The following PDE7B variants were observed in gnomAD, a reference collection of about 807,000 sequenced individuals.
PDE7B encodes 3',5'-cyclic-AMP phosphodiesterase 7B.
Under a neutral mutation model 56.2 loss-of-function variants are expected in PDE7B, and 29 were observed. The ratio of observed to expected loss-of-function variants is 0.52; its 90% CI spans 0.38 to 0.70. The LOEUF is 0.70. Ranked by LOEUF, PDE7B falls within the 30% of genes least tolerant of loss-of-function variation. The pLI is 0.00. For synonymous variants in PDE7B, 197 were observed against 196.9 expected (o/e 1.00, Z 0.00); for missense variants, 490 against 565.0 (o/e 0.87, Z 1.35).
chr6:136,143,496 C>A (rs951709006), intron 3 of PDE7B, among the ~76,000 whole-genome samples: 3 of 151,246 alleles, frequency 2.0e-5, no homozygotes, highest in Admixed American at 6.6e-5. Flanking sequence ...TTTTAAAAAT[C>A]AAAATTAAAA....
intron 8 of PDE7B, among the ~76,000 whole-genome samples, chr6:136,158,720 A>C (rs910627022): frequency 3.9e-5 from 6 of 152,216 alleles, no homozygotes; most frequent in Admixed American, 1.3e-4. Flanking sequence ...ATATGAAGGC[A>C]CTGAAGGCAC....
Position 136,163,469 on chromosome 6 carries a change from C to T in PDE7B, c.711+7711C>T, listed in dbSNP as rs142742044. Among the ~76,000 whole-genome samples, 34 of 152,326 alleles carry T rather than the reference C, an allele frequency of 2.2e-4. 1 individual carries two copies. The highest frequency in any genetic ancestry group is 7.0e-4 in the African/African-American group (29 of 41,592). Reference sequence around the variant, plus strand: ...GCCCTGGCCCAGGAAACCATTTTTACCTCCCTAGGCCTCCAGGCCTGTGAT... The same window carrying T: ...GCCCTGGCCCAGGAAACCATTTTTATCTCCCTAGGCCTCCAGGCCTGTGAT... On this transcript the variant is annotated intron_variant, in intron 8 of 12. Transcript: ENST00000308191.
chr6:136,190,128 C>T (rs932888364), intron 12 of PDE7B, among the ~76,000 whole-genome samples: 1 of 152,104 alleles, frequency 6.6e-6, no homozygotes, highest in African/African-American at 2.4e-5. Flanking sequence ...TATCTCATCT[C>T]TTTGAAGGTG....
intron 12 of PDE7B, among the ~76,000 whole-genome samples, chr6:136,190,446 A>G (rs995562940): frequency 2.6e-5 from 4 of 152,184 alleles, no homozygotes; most frequent in African/African-American, 9.7e-5. Context: ...TGTTTGTCCA[A>G]CAGAAAGATA....
chr6:136,176,892 T>C (rs555291739), intron 9 of PDE7B, among the ~76,000 whole-genome samples: 12 of 152,214 alleles, frequency 7.9e-5, no homozygotes, highest in Non-Finnish European at 1.8e-4. Flanking sequence ...ATTGTGGTTT[T>C]AATTTGCTTT....
chr6:136,154,944 G>C (rs899433700), intron 7 of PDE7B, among the ~76,000 whole-genome samples: 4 of 152,166 alleles, frequency 2.6e-5, no homozygotes, highest in African/African-American at 9.7e-5. Context: ...GGCAAAGCTG[G>C]GTGGGTGCCT....
chr6:135,953,734 A>G (rs1266072264), intron 2 of PDE7B, among the ~76,000 whole-genome samples: 2 of 152,172 alleles, frequency 1.3e-5, no homozygotes, highest in African/African-American at 4.8e-5. Context: ...TTTCAAGTGC[A>G]TGTTGGCAAT....
At chr6:135,954,400 T>C (rs1221339238) in intron 2 of PDE7B, among the ~76,000 whole-genome samples, 1 of 152,184 alleles carries the variant, frequency 6.6e-6, no homozygotes, top group Non-Finnish European at 1.5e-5. Flanking sequence ...TTTAAAACTC[T>C]CTGCTAACAT....
At chr6:136,032,652 C>T (rs1776261508) in intron 2 of PDE7B, among the ~76,000 whole-genome samples, 1 of 152,166 alleles carries the variant, frequency 6.6e-6, no homozygotes, top group Admixed American at 6.5e-5. Flanking sequence ...GAAGTGAGAC[C>T]TACTTCAAGG....
intron 2 of PDE7B, among the ~76,000 whole-genome samples, chr6:136,018,730 G>C (rs1223856290): frequency 6.6e-6 from 1 of 151,762 alleles, no homozygotes; most frequent in Non-Finnish European, 1.5e-5. Context: ...ATAAATACGT[G>C]TACAATTTGC....
chr6:136,096,954 C>T (rs1486290359), intron 2 of PDE7B, among the ~76,000 whole-genome samples: 1 of 152,098 alleles, frequency 6.6e-6, no homozygotes, highest in Non-Finnish European at 1.5e-5. Flanking sequence ...TTCAGTTGTG[C>T]TTCTTCCACA....
chr6:135,935,190 T>TTTTATATATATATATTTTTA (rs1436649469), intron 1 of PDE7B, among the ~76,000 whole-genome samples: 6 of 36,190 alleles, frequency 1.7e-4, no homozygotes, highest in Non-Finnish European at 2.8e-4. Flanking sequence ...ATATATTTAT[T>TTTTATATATATATATTTTTA]TATATATATA....
chr6:136,177,312 A>G (rs992754874), intron 9 of PDE7B, among the ~76,000 whole-genome samples: 2 of 152,110 alleles, frequency 1.3e-5, no homozygotes, highest in African/African-American at 4.8e-5. Context: ...TATAAATTTA[A>G]AAATAAAATT....
At chr6:135,911,498 A>C (rs1044455528) in intron 1 of PDE7B, among the ~76,000 whole-genome samples, 2 of 152,370 alleles carry the variant, frequency 1.3e-5, no homozygotes, top group Non-Finnish European at 2.9e-5. Context: ...AACAATTTAC[A>C]AAAGTTTATG....
intron 2 of PDE7B, among the ~76,000 whole-genome samples, chr6:135,963,465 A>C (rs1483126768): frequency 6.6e-6 from 1 of 152,168 alleles, no homozygotes; most frequent in Non-Finnish European, 1.5e-5. Context: ...TCTGCCTCAA[A>C]TATATGAAGA....
At chr6:135,941,319 G>A (rs1462552639) in intron 1 of PDE7B, among the ~76,000 whole-genome samples, 1 of 152,140 alleles carries the variant, frequency 6.6e-6, no homozygotes, top group Admixed American at 6.5e-5. Flanking sequence ...GGTTGATTTT[G>A]TTTTAACATG....
rs12664943 is a variant in PDE7B at position 135,926,663 on chromosome 6, A to G, written c.22-20801A>G. The stretch of plus-strand genomic sequence containing the variant: ...ATGACCTCCTTCAGGAGAGAAGAGC[A>G]GGGGTAGAGGGTGGTGGTCAGAAAG... On this transcript the variant is annotated intron_variant, in intron 1 of 12. Coordinates refer to ENST00000308191, the MANE Select transcript of PDE7B (RefSeq NM_018945.4). 1.3e-4 allele frequency among the ~76,000 whole-genome samples: 20 copies of G among 152,232 alleles called. No individual in the cohort carries two copies. The East Asian group carries it at 3.1e-3, about 24-fold the overall frequency.
chr6:135,886,492 A>T (rs1775711729), intron 1 of PDE7B, among the ~76,000 whole-genome samples: 1 of 151,060 alleles, frequency 6.6e-6, no homozygotes, highest in African/African-American at 2.4e-5. Context: ...CATACACTGT[A>T]CTCAATATAT....
In PDE7B at chr6:136,130,973, G is replaced by A. The variant is rs149151676; in HGVS notation, c.167-16378G>A. Among the ~76,000 whole-genome samples, 931 of 152,188 alleles carry A rather than the reference G, an allele frequency of 6.1e-3. 8 individuals carry two copies. Among genetic ancestry groups the A allele is most frequent in the Non-Finnish European group, 0.01 (700 of 68,002 alleles). ...CCCCATGATTCAATTATCTCCCACC[G>A]GGTCCCTCCCACAACATGTGGGAAT... is the stretch of plus-strand genomic sequence containing the variant. On this transcript the variant is annotated intron_variant, in intron 3 of 12. Coordinates refer to ENST00000308191, the MANE Select transcript of PDE7B (RefSeq NM_018945.4).
Sources: allele counts gnomAD v4.1 joint callset (sites outside exome capture counted in the v4.1 genomes callset), GRCh38; gene constraint gnomAD v4.1.1; transcripts MANE v1.5; gene names NCBI Gene and HGNC (gene_info 2026-07-23, HGNC 2026-07-21).